The following SLC24A3 variants were observed in gnomAD, a reference collection of about 807,000 sequenced individuals.
SLC24A3 encodes the protein solute carrier family 24 member 3, also known as sodium/potassium/calcium exchanger 3.
A neutral mutation model predicts 75.8 loss-of-function variants in SLC24A3; 28 were observed. That is an observed-to-expected ratio of 0.37 (90% CI 0.27 to 0.51). The LOEUF (loss-of-function observed/expected upper bound fraction) is 0.51. Among genes scored for constraint, SLC24A3 ranks in the 20% least tolerant of loss-of-function variants. The pLI, the probability that SLC24A3 is intolerant of heterozygous loss-of-function variation, is 0.94. For synonymous variants in SLC24A3, 372 were observed against 334.1 expected, an observed-to-expected ratio of 1.11 and a Z score of -1.24; for missense variants, 663 against 847.8, an observed-to-expected ratio of 0.78 and a Z score of 2.71.
intron 2 of SLC24A3, among the ~76,000 whole-genome samples, chr20:19,468,675 A>G (rs1393878813): frequency 6.6e-6 from 1 of 152,134 alleles, no homozygotes; most frequent in Admixed American, 6.5e-5. Flanking sequence ...TGCCCGTTGG[A>G]GCTTCCATGG....
At chr20:19,518,129 T>C (rs1319489318) in intron 3 of SLC24A3, among the ~76,000 whole-genome samples, 1 of 152,200 alleles carries the variant, frequency 6.6e-6, no homozygotes, top group Admixed American at 6.5e-5. Context: ...TCAGAAATTT[T>C]TAAACAAACA....
intron 2 of SLC24A3, among the ~76,000 whole-genome samples, chr20:19,356,286 C>T (rs556114558): frequency 6.6e-6 from 1 of 152,322 alleles, no homozygotes; most frequent in South Asian, 2.1e-4. Context: ...CACACAGTTT[C>T]AATCTGTTCC....
At chr20:19,549,830 A>G (rs2030662359) in intron 3 of SLC24A3, among the ~76,000 whole-genome samples, 1 of 152,204 alleles carries the variant, frequency 6.6e-6, no homozygotes, top group Non-Finnish European at 1.5e-5. Context: ...GACTCTTGAA[A>G]AAATTATATC....
At position 19,722,701 on chromosome 20, in the gene SLC24A3, G is replaced by A. The variant is rs985353596; in HGVS notation, c.*1561G>A. 18 of 152,742 alleles carry A rather than the reference G, an allele frequency of 1.2e-4. No homozygotes were observed. The highest frequency in any genetic ancestry group is 7.2e-4 in the Admixed American group (11 of 15,300). 9.5% of individuals were successfully genotyped at this position (152,742 alleles called of 1,614,324 possible). ...TTGTAAAAATAACCTGCTACAAATTGGTTGAATGTTTCTGTCTGTGGTGCG... is the reference window on the plus strand; with the variant it reads ...TTGTAAAAATAACCTGCTACAAATTAGTTGAATGTTTCTGTCTGTGGTGCG... On this transcript the variant is annotated 3_prime_UTR_variant, in exon 17 of 17. Coordinates refer to ENST00000328041, the MANE Select transcript of SLC24A3 (RefSeq NM_020689.4).
chr20:19,616,544 C>T (rs1453640581), intron 6 of SLC24A3, among the ~76,000 whole-genome samples: 2 of 152,208 alleles, frequency 1.3e-5, no homozygotes, highest in East Asian at 3.8e-4. Context: ...AACTGTCCAT[C>T]TGAGACGGCT....
intron 2 of SLC24A3, among the ~76,000 whole-genome samples, chr20:19,403,449 G>A (rs1281749247): frequency 6.6e-6 from 1 of 152,146 alleles, no homozygotes; most frequent in African/African-American, 2.4e-5. Flanking sequence ...GGAGCCATGT[G>A]GTGAACAAAC....
chr20:19,353,864 G>GT (rs1568597700), intron 2 of SLC24A3, among the ~76,000 whole-genome samples: 1 of 152,152 alleles, frequency 6.6e-6, no homozygotes, highest in Non-Finnish European at 1.5e-5. Flanking sequence ...CTAATATATG[G>GT]TTGATGGACA....
intron 6 of SLC24A3, among the ~76,000 whole-genome samples, chr20:19,644,026 A>G (rs1000037433): frequency 1.3e-5 from 2 of 152,172 alleles, no homozygotes; most frequent in Admixed American, 6.5e-5. Context: ...ATTTTCTAAC[A>G]TGGTTCTATC....
At position 19,217,356 on chromosome 20, in the gene SLC24A3, A is replaced by G. The variant is rs112867201; in HGVS notation, c.142+4372A>G. Among the ~76,000 whole-genome samples the G allele has an allele frequency of 5.5e-3, 842 of 152,352 alleles. 9 individuals carry two copies. The highest frequency in any genetic ancestry group is 0.018 in the African/African-American group (747 of 41,574). ...AAAAACCCAAGGATCTGAAGGGATC[A>G]TAACTTGGTAGTGAATGTAGACATT... On this transcript the variant is annotated intron_variant, in intron 1 of 16. Coordinates refer to ENST00000328041, the MANE Select transcript of SLC24A3 (RefSeq NM_020689.4).
rs1462113290 is a variant in SLC24A3, at chr20:19,679,528, G to C, written c.768-2330G>C. On this transcript the variant is annotated intron_variant, in intron 9 of 16. Transcript: ENST00000328041. ...GAGAGGGAGACCGTGGGGAGAGGGAGACCGTGGGGAGGGGGAGAGGGAGAG... is the reference window on the plus strand; with the variant it reads ...GAGAGGGAGACCGTGGGGAGAGGGACACCGTGGGGAGGGGGAGAGGGAGAG... Among the ~76,000 whole-genome samples, 3 of 148,546 alleles carry C rather than the reference G, an allele frequency of 2.0e-5. No homozygotes were observed. In the East Asian group the frequency reaches 5.9e-4, roughly 29 times the overall value.
chr20:19,287,090 G>GT (rs1228592938), intron 2 of SLC24A3, among the ~76,000 whole-genome samples: 1 of 152,242 alleles, frequency 6.6e-6, no homozygotes, highest in Admixed American at 6.5e-5. Flanking sequence ...AGTAGCTGCT[G>GT]TAACAGAGAA....
intron 2 of SLC24A3, among the ~76,000 whole-genome samples, chr20:19,371,969 A>T (rs1985999617): frequency 6.6e-6 from 1 of 152,162 alleles, no homozygotes; most frequent in Admixed American, 6.5e-5. Flanking sequence ...GTGAGGCAAG[A>T]TGGTAAATCC....
chr20:19,604,801 C>G (rs1451298416), intron 6 of SLC24A3, among the ~76,000 whole-genome samples: 1 of 152,186 alleles, frequency 6.6e-6, no homozygotes, highest in African/African-American at 2.4e-5. Context: ...CCTCCTCTCT[C>G]AGGAGCTCTG....
intron 7 of SLC24A3, among the ~76,000 whole-genome samples, chr20:19,656,622 T>A (rs1005240369): frequency 8.8e-5 from 13 of 147,470 alleles, no homozygotes; most frequent in African/African-American, 1.6e-4. Context: ...TTGAAAAAAA[T>A]TTTTTTTCAA....
Position 19,319,841 on chromosome 20 carries a change from C to A in SLC24A3, c.271+38754C>A, listed in dbSNP as rs575610135. Among the ~76,000 whole-genome samples, 49 of 152,288 alleles carry A rather than the reference C, an allele frequency of 3.2e-4. 1 individual carries two copies. In the South Asian group the frequency reaches 9.5e-3, roughly 30 times the overall value. On this transcript the variant is annotated intron_variant, in intron 2 of 16. Transcript: ENST00000328041. ...CAGCTGGTACACCTGTACATGTGTA[C>A]CCCAGCTGGCCTGTGCCCATTTGAC...
intron 3 of SLC24A3, among the ~76,000 whole-genome samples, chr20:19,523,592 T>C (rs555026033): frequency 6.6e-6 from 1 of 152,364 alleles, no homozygotes; most frequent in South Asian, 2.1e-4. Context: ...GTTGATATCC[T>C]AGGACCTGAG....
At chr20:19,510,325 T>G (rs1196968319) in intron 2 of SLC24A3, among the ~76,000 whole-genome samples, 1 of 152,154 alleles carries the variant, frequency 6.6e-6, no homozygotes, top group African/African-American at 2.4e-5. Flanking sequence ...TTAATAACAG[T>G]TTATCCTGAT....
intron 2 of SLC24A3, among the ~76,000 whole-genome samples, chr20:19,299,045 G>A (rs919588407): frequency 8.5e-5 from 13 of 152,160 alleles, no homozygotes; most frequent in African/African-American, 2.9e-4. Context: ...CATTGTGGGT[G>A]AGGGGAAAAA....
intron 2 of SLC24A3, among the ~76,000 whole-genome samples, chr20:19,446,662 A>T (rs1274458577): frequency 6.6e-6 from 1 of 152,206 alleles, no homozygotes; most frequent in Non-Finnish European, 1.5e-5. Flanking sequence ...CAGGGAAAAC[A>T]CCTAGGCTAA....
Sources: gnomAD v4.1 joint callset for allele counts (sites outside exome capture counted in the v4.1 genomes callset) on GRCh38, gnomAD v4.1.1 for gene constraint, MANE v1.5 for transcripts, NCBI Gene and HGNC (gene_info 2026-07-23, HGNC 2026-07-21) for gene names.